Variants in HDDC3 observed in about 807,000 individuals in gnomAD.
The protein encoded by HDDC3 is guanosine-3',5'-bis(diphosphate) 3'-pyrophosphohydrolase MESH1.
HDDC3 carries 18 observed loss-of-function variants against 19.1 expected under a neutral mutation model. That is an observed-to-expected ratio of 0.94 (90% CI 0.65 to 1.40). The LOEUF (loss-of-function observed/expected upper bound fraction) is 1.40, where lower values mean the gene tolerates loss of function less well. HDDC3 is among the 40% of genes most tolerant of loss of function. The pLI, the probability that HDDC3 is intolerant of heterozygous loss-of-function variation, is 0.00. For missense variants in HDDC3, 250 were observed against 228.9 expected (o/e 1.09, Z -0.59); for synonymous variants, 107 against 99.4 (o/e 1.08, Z -0.46).
intron 1 of HDDC3, 159 bp from the exon 2 acceptor site, chr15:90,932,269 C>A: frequency 2.3e-6 from 2 of 863,302 alleles, no homozygotes; most frequent in Non-Finnish European, 3.5e-6. Context: ...ACAAAGGGAA[C>A]GATCATGCCT....
chr15:90,930,772 C>A lies in HDDC3; in HGVS notation c.*503G>T. On this transcript the variant is annotated 3_prime_UTR_variant, in exon 4 of 4. Coordinates refer to ENST00000394272, the MANE Select transcript of HDDC3 (RefSeq NM_001286451.2). ...AGTCTAACCTGATAATTACACAACCCATGTCACTGACAAGGAAGCCAGGTT... is the reference window on the plus strand; with the variant it reads ...AGTCTAACCTGATAATTACACAACCAATGTCACTGACAAGGAAGCCAGGTT... 1 of 174,316 alleles carries A rather than the reference C, an allele frequency of 5.7e-6. No homozygotes were observed. The highest frequency in any genetic ancestry group is 1.3e-5 in the Non-Finnish European group (1 of 79,484). The allele number at this position is 174,316 out of a possible 1,614,324, so 10.8% of individuals were successfully genotyped here.
In HDDC3 at chr15:90,930,205, T is replaced by C. The variant is rs1321005546; in HGVS notation, c.*1070A>G. On this transcript the variant is annotated 3_prime_UTR_variant, in exon 4 of 4. Coordinates refer to ENST00000394272, the MANE Select transcript of HDDC3 (RefSeq NM_001286451.2). ...ACTTAACAACCGAAGTAACCCGCAA[T>C]GCGGAAGGGCGAGGGGATTGCGAGT... The C allele has an allele frequency of 6.6e-6, 1 of 152,016 alleles. No homozygotes were observed. The highest frequency in any genetic ancestry group is 2.4e-5 in the African/African-American group (1 of 41,392). 9.4% of individuals were successfully genotyped at this position (152,016 alleles called of 1,614,324 possible). A position where few individuals can be genotyped will look rare whatever the true frequency, so the allele number is the denominator to read the frequency against.
Position 90,931,125 on chromosome 15 carries a change from T to TTA in HDDC3, c.*149_*150insTA, listed in dbSNP as rs1596198964. The TTA allele has an allele frequency of 1.0e-6, 1 of 957,334 alleles. No individual in the cohort carries two copies. The highest frequency in any genetic ancestry group is 2.7e-5 in the East Asian group (1 of 37,430). The allele number at this position is 957,334 out of a possible 1,614,324, so 59.3% of individuals were successfully genotyped here. A position where few individuals can be genotyped will look rare whatever the true frequency, so the allele number is the denominator to read the frequency against. The stretch of plus-strand genomic sequence containing the variant: ...GGCTCAGCTTAGTTAGCAGGAGACC[T>TTA]TCAGACTGAGAAAAAATGCAAGTCT... On this transcript the variant is annotated 3_prime_UTR_variant, in exon 4 of 4. Transcript: ENST00000394272.
chr15:90,932,551 G>C, upstream of HDDC3: 2 of 1,250,334 alleles, frequency 1.6e-6, no homozygotes, highest in Non-Finnish European at 1.0e-6. Flanking sequence ...CGCGCGGATG[G>C]GGCCGACGAC....
At chr15:90,931,578 A>G in intron 3 of HDDC3, 126 bp downstream of exon 3, 1 of 1,614,188 alleles carries the variant, frequency 6.2e-7, no homozygotes, top group Non-Finnish European at 8.5e-7. Context: ...AAGATCAAAG[A>G]GTGGTCCAGT....
Position 90,930,262 on chromosome 15 carries a change from G to A in HDDC3, c.*1013C>T, listed in dbSNP as rs1317577341. On this transcript the variant is annotated 3_prime_UTR_variant, in exon 4 of 4. Coordinates refer to ENST00000394272, the MANE Select transcript of HDDC3 (RefSeq NM_001286451.2). The stretch of plus-strand genomic sequence containing the variant: ...GTTTCCCGCGCGGCTTGAGGTACTG[G>A]GGAACCGGAATCCCCCACCGGCCCA... 2 of 152,228 alleles carry A rather than the reference G, an allele frequency of 1.3e-5. No individual in the cohort carries two copies. Among genetic ancestry groups the A allele is most frequent in the Non-Finnish European group, 2.9e-5 (2 of 68,048 alleles). 9.4% of individuals were successfully genotyped at this position (152,228 alleles called of 1,614,324 possible). A position where few individuals can be genotyped will look rare whatever the true frequency, so the allele number is the denominator to read the frequency against.
Position 90,931,399 on chromosome 15 carries a change from G to T in HDDC3, c.416C>A (p.Ser139Ter). ...GAAGTATTCCTGGACTCGATGTTCT[G>T]ACCATCCTGCATAAGAGTCGACAGA... ...DLNRCTPEGWSEHRVQEYFEW... is the reference protein window; with the variant it reads ...DLNRCTPEGW The change falls in exon 4 of 4, where the codon TCA becomes TAA. Residue 139 changes from serine (S) to a stop codon, truncating the protein, a stop_gained. Coordinates refer to ENST00000394272, the MANE Select transcript of HDDC3 (RefSeq NM_001286451.2). LOFTEE classifies it high-confidence loss of function. 1 of 1,580,086 alleles carries T rather than the reference G, an allele frequency of 6.3e-7. No individual in the cohort carries two copies. The highest frequency in any genetic ancestry group is 1.8e-5 in the Admixed American group (1 of 54,150).
Position 90,932,438 on chromosome 15 carries a change from G to C in HDDC3, c.103C>G (p.His35Asp). Residue 35 changes from histidine to aspartate, a missense_variant, in exon 1 of 4, where the codon CAC becomes GAC. Coordinates refer to ENST00000394272, the MANE Select transcript of HDDC3 (RefSeq NM_001286451.2). ...KDPEGTPYIN[H>D]PIGVARILTH... ...CGGCCGACGCGCCCACCGATGGGGT[G>C]GTTGATGTAGGGGGTCCCCTCGGGG... The C allele has an allele frequency of 7.3e-7, 1 of 1,365,812 alleles. No homozygotes were observed. Among genetic ancestry groups the C allele is most frequent in the Non-Finnish European group, 9.4e-7 (1 of 1,061,560 alleles). The allele number at this position is 1,365,812 out of a possible 1,614,324, so 84.6% of individuals were successfully genotyped here. A position where few individuals can be genotyped will look rare whatever the true frequency, so the allele number is the denominator to read the frequency against.
Position 90,932,464 on chromosome 15 carries a change from T to C in HDDC3, c.77A>G (p.Asp26Gly), listed in dbSNP as rs2151349313. Residue 26 changes from aspartate (D) to glycine (G), a missense_variant, in exon 1 of 4, where the codon GAC (aspartate) becomes GGC (glycine). Asp to Gly is a moderately conservative substitution (Grantham distance 94). Coordinates refer to ENST00000394272, the MANE Select transcript of HDDC3 (RefSeq NM_001286451.2). ...GTTGATGTAGGGGGTCCCCTCGGGG[T>C]CCTTCCGCCGCTGCTGCCGGTGCTT... ...ARKHRQQRRKDPEGTPYINHP... is the reference protein window; with the variant it reads ...ARKHRQQRRKGPEGTPYINHP... 1.5e-6 allele frequency: 2 copies of C among 1,327,764 alleles called. No individual in the cohort carries two copies. Among genetic ancestry groups the C allele is most frequent in the Admixed American group, 3.6e-5 (1 of 27,826 alleles). 82.2% of individuals were successfully genotyped at this position (1,327,764 alleles called of 1,614,324 possible).
At position 90,932,339 on chromosome 15, in the gene HDDC3, G is replaced by T. The variant is rs1040553824; in HGVS notation, c.112+90C>A. 7 of 839,204 alleles carry T rather than the reference G, an allele frequency of 8.3e-6. No individual in the cohort carries two copies. In the East Asian group the frequency reaches 1.2e-4, roughly 14 times the overall value. The allele number at this position is 839,204 out of a possible 1,614,324, so 52.0% of individuals were successfully genotyped here. A position where few individuals can be genotyped will look rare whatever the true frequency, so the allele number is the denominator to read the frequency against. On this transcript the variant is annotated intron_variant, in intron 1 of 3. Coordinates refer to ENST00000394272, the MANE Select transcript of HDDC3 (RefSeq NM_001286451.2). ...TCGCACTAAGCTTGGGACAAAACAGGTGCTCAATGAGGTGCACGCCCCCCA... is the reference window on the plus strand; with the variant it reads ...TCGCACTAAGCTTGGGACAAAACAGTTGCTCAATGAGGTGCACGCCCCCCA...
chr15:90,931,501 C>A, intron 3 of HDDC3, 96 bp from the exon 4 acceptor site: 1 of 1,614,116 alleles, frequency 6.2e-7, no homozygotes, highest in East Asian at 2.2e-5. Context: ...GCCATGAGTT[C>A]CTGATGGAAT....
In HDDC3 at chr15:90,931,718, C is replaced by G. The variant is rs1170542224; in HGVS notation, c.395G>C (p.Arg132Pro). 1 of 1,613,978 alleles carries G rather than the reference C, an allele frequency of 6.2e-7. No individual in the cohort carries two copies. Among genetic ancestry groups the G allele is most frequent in the Non-Finnish European group, 8.5e-7 (1 of 1,180,024 alleles). The change falls in exon 3 of 4, where the codon CGC becomes CCC. Residue 132 changes from arginine (R) to proline (P), a missense_variant. Coordinates refer to ENST00000394272, the MANE Select transcript of HDDC3 (RefSeq NM_001286451.2). ...CGAAAGCGTACCCTCTGGGGTGCAG[C>G]GATTCAGGTCCCTCAGATTGTACAG... ...DKLYNLRDLN[R>P]CTPEGWSEHR...
rs1162650888 is a variant in HDDC3 at position 90,932,443 on chromosome 15, AT to A, written c.97del (p.Ile33SerfsTer11). On this transcript the variant is annotated frameshift_variant, in exon 1 of 4. Transcript: ENST00000394272. LOFTEE classifies it high-confidence loss of function. ...RRKDPEGTPY[I>X]NHPIGVARIL... is the part of the protein sequence containing the mutation. ...GACGCGCCCACCGATGGGGTGGTTGATGTAGGGGGTCCCCTCGGGGTCCTTC... is the reference window on the plus strand; with the variant it reads ...GACGCGCCCACCGATGGGGTGGTTGAGTAGGGGGTCCCCTCGGGGTCCTTC... 1 of 1,360,088 alleles carries A rather than the reference AT, an allele frequency of 7.4e-7. No homozygotes were observed. Among genetic ancestry groups the A allele is most frequent in the Non-Finnish European group, 9.4e-7 (1 of 1,058,456 alleles). 84.3% of individuals were successfully genotyped at this position (1,360,088 alleles called of 1,614,324 possible).
chr15:90,931,436 G>T (rs749888237), intron 3 of HDDC3, 31 bp from the exon 4 acceptor site: 2 of 1,610,616 alleles, frequency 1.2e-6, no homozygotes, highest in Non-Finnish European at 1.7e-6. Context: ...ACTTGCTAGC[G>T]TGATGTCAAG....
intron 1 of HDDC3, 139 bp from the exon 2 acceptor site, chr15:90,932,249 G>A: frequency 1.0e-6 from 1 of 960,534 alleles, no homozygotes; most frequent in East Asian, 2.7e-5. Flanking sequence ...TACCCTCTGG[G>A]AGCCAACCGA....
chr15:90,931,561 A>G (rs369746305), intron 3 of HDDC3, 143 bp downstream of exon 3: 6 of 1,614,086 alleles, frequency 3.7e-6, no homozygotes, highest in Middle Eastern at 1.6e-4. Context: ...TTTTTACTGT[A>G]TGAAAGAAGA....
chr15:90,932,527 G>A lies in HDDC3; in HGVS notation c.14C>T (p.Ala5Val), dbSNP rs781086745. The A allele has an allele frequency of 1.1e-5, 14 of 1,270,216 alleles. No individual in the cohort carries two copies. The highest frequency in any genetic ancestry group is 1.3e-5 in the Non-Finnish European group (13 of 1,007,786). The allele number at this position is 1,270,216 out of a possible 1,614,324, so 78.7% of individuals were successfully genotyped here. The part of the protein sequence containing the change: MGSE[A>V]AQLLEAADFA... Reference sequence around the variant, plus strand: ...GTCGGCAGCCTCCAGCAGCTGCGCCGCCTCAGAGCCCATCGCGCGGATGGG... The same window carrying A: ...GTCGGCAGCCTCCAGCAGCTGCGCCACCTCAGAGCCCATCGCGCGGATGGG... Residue 5 changes from alanine to valine, a missense_variant, in exon 1 of 4, where the codon GCG becomes GTG. By Grantham distance (64) the Ala-to-Val change is moderately conservative. Coordinates refer to ENST00000394272, the MANE Select transcript of HDDC3 (RefSeq NM_001286451.2).
In HDDC3 at chr15:90,932,160, C is replaced by A. The variant is rs754310590; in HGVS notation, c.113-50G>T. The A allele has an allele frequency of 2.7e-5, 42 of 1,544,180 alleles. No homozygotes were observed. In the South Asian group the frequency reaches 3.0e-4, roughly 11 times the overall value. ...AGTCAGGTCGGAGGTAGTCCCAAGG[C>A]GGTGTGTTGTGGGTTTTGGAGAGCC... On this transcript the variant is annotated intron_variant, in intron 1 of 3. Transcript: ENST00000394272.
intron 1 of HDDC3, 140 bp downstream of exon 1, chr15:90,932,289 A>C: frequency 1.2e-6 from 1 of 836,774 alleles, no homozygotes; most frequent in Non-Finnish European, 1.8e-6. Context: ...TACCGTTCCA[A>C]TTGTTATGAG....
Sources: allele counts gnomAD v4.1 joint callset, GRCh38; gene constraint gnomAD v4.1.1; transcripts MANE v1.5; gene names NCBI Gene and HGNC (gene_info 2026-07-23, HGNC 2026-07-21).